Variants in PRKN observed in about 807,000 individuals in gnomAD.
PRKN encodes E3 ubiquitin-protein ligase parkin.
In PRKN, 56 loss-of-function variants were observed where a neutral mutation model predicts 59.5. The observed-to-expected ratio is 0.94, with a 90% CI of 0.76 to 1.18. The LOEUF (loss-of-function observed/expected upper bound fraction) is 1.18. PRKN is among the 50% of genes most tolerant of loss of function. The pLI is 0.00. For synonymous variants in PRKN, 250 were observed against 222.1 expected, an observed-to-expected ratio of 1.13 and a Z score of -1.12; for missense variants, 657 against 596.4, an observed-to-expected ratio of 1.10 and a Z score of -1.06.
At chr6:162,372,314 C>G (rs1785811270) in intron 2 of PRKN, among the ~76,000 whole-genome samples, 1 of 152,102 alleles carries the variant, frequency 6.6e-6, no homozygotes, top group Non-Finnish European at 1.5e-5. Context: ...ACCTCCAGGC[C>G]AGAGGCAGAA....
chr6:162,200,855 T>C (rs1296928120), intron 4 of PRKN, among the ~76,000 whole-genome samples: 1 of 152,120 alleles, frequency 6.6e-6, no homozygotes, highest in Non-Finnish European at 1.5e-5. Context: ...CCAACCTCTT[T>C]TTGCTGCCAA....
At chr6:161,624,216 A>G (rs998033647) in intron 7 of PRKN, among the ~76,000 whole-genome samples, 4 of 152,244 alleles carry the variant, frequency 2.6e-5, no homozygotes, top group South Asian at 2.1e-4. Context: ...TGGGGACACC[A>G]GCAGAAACAC....
At position 162,414,508 on chromosome 6, in the gene PRKN, C is replaced by T. The variant is rs113576690; in HGVS notation, c.171+28802G>A. Among the ~76,000 whole-genome samples, 592 of 151,530 alleles carry T rather than the reference C, an allele frequency of 3.9e-3. 6 individuals are homozygous for T. The highest frequency in any genetic ancestry group is 0.014 in the African/African-American group (566 of 41,250). On this transcript the variant is annotated intron_variant, in intron 2 of 11. Coordinates refer to ENST00000366898, the MANE Select transcript of PRKN (RefSeq NM_004562.3). ...GGATCACGAGGTCAGGAGATCAAGA[C>T]CATCCTGGCTAACATGGTGAAACCC...
At chr6:162,313,886 T>C (rs761630003) in intron 2 of PRKN, among the ~76,000 whole-genome samples, 3 of 152,176 alleles carry the variant, frequency 2.0e-5, no homozygotes, top group Non-Finnish European at 2.9e-5. Flanking sequence ...AACGTGGGTA[T>C]GTAAAATCAA....
intron 6 of PRKN, among the ~76,000 whole-genome samples, chr6:161,874,143 AATATAATAT>A (rs1794497164): frequency 2.1e-5 from 1 of 47,394 alleles, no homozygotes; most frequent in Non-Finnish European, 3.3e-5. Context: ...TTATATGTAA[AATATAATAT>A]ATATTATATA....
Position 161,724,230 on chromosome 6 carries a change from C to T in PRKN, c.871+61542G>A, listed in dbSNP as rs1392326639. Among the ~76,000 whole-genome samples the T allele has an allele frequency of 3.3e-5, 5 of 152,272 alleles. 1 individual carries two copies. In the East Asian group the frequency reaches 9.7e-4, roughly 29 times the overall value. On this transcript the variant is annotated intron_variant, in intron 7 of 11. Coordinates refer to ENST00000366898, the MANE Select transcript of PRKN (RefSeq NM_004562.3). ...GGGAACGGCTGAAGAGCTAATAGCT[C>T]CCTTTCATGTTAAATGATTCAAAGT...
At chr6:162,245,324 C>G (rs147587517) in intron 3 of PRKN, among the ~76,000 whole-genome samples, 14 of 152,096 alleles carry the variant, frequency 9.2e-5, no homozygotes, top group African/African-American at 3.4e-4. Context: ...AGATTTGTAT[C>G]TAGTCTAGCA....
At chr6:161,843,665 C>T (rs1302066589) in intron 6 of PRKN, among the ~76,000 whole-genome samples, 2 of 152,178 alleles carry the variant, frequency 1.3e-5, no homozygotes, top group East Asian at 1.9e-4. Flanking sequence ...TGGCGGGCAC[C>T]TGTAATCCCA....
chr6:161,948,787 G>T (rs1171935732), intron 6 of PRKN, among the ~76,000 whole-genome samples: 1 of 152,220 alleles, frequency 6.6e-6, no homozygotes, highest in African/African-American at 2.4e-5. Flanking sequence ...ACAGAGCCGT[G>T]TCAGTAAGGG....
Position 161,379,504 on chromosome 6 carries a change from G to A in PRKN, c.1167+7290C>T, listed in dbSNP as rs1278375719. ...GACGACAGCAGATGCTGTGAGGCTGGCCAGACCCCTCCTCCAGGACTGATA... is the reference window on the plus strand; with the variant it reads ...GACGACAGCAGATGCTGTGAGGCTGACCAGACCCCTCCTCCAGGACTGATA... On this transcript the variant is annotated intron_variant, in intron 10 of 11. Transcript: ENST00000366898. This position sits in a 1 kb window ranked among gnomAD's most constrained non-coding sequence, Gnocchi z 4.9. Among the ~76,000 whole-genome samples, 3 of 152,202 alleles carry A rather than the reference G, an allele frequency of 2.0e-5. No individual in the cohort carries two copies. Among genetic ancestry groups the A allele is most frequent in the Non-Finnish European group, 4.4e-5 (3 of 68,034 alleles).
At chr6:162,132,581 A>C (rs575087556) in intron 4 of PRKN, among the ~76,000 whole-genome samples, 1 of 152,166 alleles carries the variant, frequency 6.6e-6, no homozygotes, top group Non-Finnish European at 1.5e-5. Context: ...TACTGGAATA[A>C]TAACGACGTT....
chr6:162,476,204 T>C (rs1040634349), intron 1 of PRKN, among the ~76,000 whole-genome samples: 1 of 152,060 alleles, frequency 6.6e-6, no homozygotes, highest in Non-Finnish European at 1.5e-5. Flanking sequence ...ATTACAGGCA[T>C]GTGCCACCAC....
At chr6:162,226,127 A>G (rs1476986665) in intron 3 of PRKN, among the ~76,000 whole-genome samples, 1 of 150,814 alleles carries the variant, frequency 6.6e-6, no homozygotes, top group East Asian at 1.9e-4. Context: ...CAGGTTAGAA[A>G]GAACTTAAGG....
chr6:162,410,935 A>G (rs1788325935), intron 2 of PRKN, among the ~76,000 whole-genome samples: 1 of 152,178 alleles, frequency 6.6e-6, no homozygotes, highest in African/African-American at 2.4e-5. Flanking sequence ...TTCATTGTTG[A>G]ATGGAGCAAA....
At position 161,973,343 on chromosome 6, in the gene PRKN, T is replaced by G. The variant is rs983130934; in HGVS notation, c.693A>C (p.Thr231=). 1.9e-6 allele frequency: 3 copies of G among 1,613,896 alleles called. No homozygotes were observed. The African/African-American group carries it at 4.0e-5, about 22-fold the overall frequency. Residue 231 remains threonine (T), a synonymous_variant, in exon 6 of 12, where the codon ACA becomes ACC. Transcript: ENST00000366898. ...TAATGCAAGTGATGTTCCGACTATT[T>G]GTTGCGATCAGGTGCAAAGCTACTG... is the stretch of plus-strand genomic sequence containing the variant. The part of the protein sequence containing the change: ...ETSVALHLIA[T]NSRNITCITC...
intron 6 of PRKN, among the ~76,000 whole-genome samples, chr6:161,866,515 C>T (rs549597005): frequency 6.6e-6 from 1 of 152,132 alleles, no homozygotes; most frequent in South Asian, 2.1e-4. Flanking sequence ...GCGGAGCTTG[C>T]AGTGAGCTGA....
chr6:161,917,770 T>C (rs1778625452), intron 6 of PRKN, among the ~76,000 whole-genome samples: 1 of 152,198 alleles, frequency 6.6e-6, no homozygotes, highest in African/African-American at 2.4e-5. Flanking sequence ...AAAAATTTAG[T>C]TTTTCAATTT....
intron 6 of PRKN, among the ~76,000 whole-genome samples, chr6:161,953,440 T>C (rs897509369): frequency 1.3e-5 from 2 of 152,084 alleles, no homozygotes; most frequent in African/African-American, 4.8e-5. Context: ...TTAAGACAAA[T>C]ATCCAATAGG....
chr6:161,388,712 T>G lies in PRKN; in HGVS notation c.1084-1835A>C, dbSNP rs1786373969. Among the ~76,000 whole-genome samples, 1 of 152,228 alleles carries G rather than the reference T, an allele frequency of 6.6e-6. No individual in the cohort carries two copies. The highest frequency in any genetic ancestry group is 6.5e-5 in the Admixed American group (1 of 15,284). ...GAAACCAGAAGCTTCCATTTCCTGT[T>G]GGGACACTTGCTCTTGAAGCCCAGC... On this transcript the variant is annotated intron_variant, in intron 9 of 11. Transcript: ENST00000366898. This position sits in a 1 kb window ranked among gnomAD's most constrained non-coding sequence, Gnocchi z 4.3.
Sources: allele counts gnomAD v4.1 joint callset (sites outside exome capture counted in the v4.1 genomes callset), GRCh38; gene constraint gnomAD v4.1.1; non-coding constraint Gnocchi (gnomAD v3.1); transcripts MANE v1.5; gene names NCBI Gene and HGNC (gene_info 2026-07-23, HGNC 2026-07-21).